Variants in ZNF804B observed in about 807,000 individuals in gnomAD.
ZNF804B encodes zinc finger protein 804B.
In ZNF804B, 80 loss-of-function variants were observed where a neutral mutation model predicts 101.4. That is an observed-to-expected ratio of 0.79 (90% confidence interval 0.66 to 0.95). ZNF804B has a LOEUF of 0.95. Among genes scored for constraint, ZNF804B ranks in the 40% least tolerant of loss-of-function variants. The pLI is 0.00. For synonymous variants in ZNF804B, 622 were observed against 558.8 expected, an observed-to-expected ratio of 1.11 and a Z score of -1.59; for missense variants, 1,673 against 1,561.9, an observed-to-expected ratio of 1.07 and a Z score of -1.20.
chr7:89,255,307 A>G (rs1457218743), intron 2 of ZNF804B, among the ~76,000 whole-genome samples: 1 of 152,300 alleles, frequency 6.6e-6, no homozygotes, highest in East Asian at 1.9e-4. Context: ...CCTGCCCTTG[A>G]CACATGGGGA....
intron 1 of ZNF804B, among the ~76,000 whole-genome samples, chr7:88,812,777 A>G (rs1337870066): frequency 6.6e-6 from 1 of 152,152 alleles, no homozygotes; most frequent in African/African-American, 2.4e-5. Context: ...AAGACATGCC[A>G]AGTGAAATAA....
chr7:88,815,526 A>C (rs1464627839), intron 1 of ZNF804B, among the ~76,000 whole-genome samples: 1 of 151,738 alleles, frequency 6.6e-6, no homozygotes, highest in Non-Finnish European at 1.5e-5. Context: ...GTATGTAACC[A>C]ATCTCACATT....
At position 88,929,283 on chromosome 7, in the gene ZNF804B, C is replaced by A. The variant is rs79553602; in HGVS notation, c.108+169199C>A. ...TGTATTGAATTGGGGTAAGAGGCAACAGAGAGTCCAGTCAAAAAATCTTAG... is the reference window on the plus strand; with the variant it reads ...TGTATTGAATTGGGGTAAGAGGCAAAAGAGAGTCCAGTCAAAAAATCTTAG... On this transcript the variant is annotated intron_variant, in intron 1 of 3. Transcript: ENST00000333190. Among the ~76,000 whole-genome samples, 422 of 151,376 alleles carry A rather than the reference C, an allele frequency of 2.8e-3. 5 individuals carry two copies. Among genetic ancestry groups the A allele is most frequent in the African/African-American group, 9.9e-3 (410 of 41,286 alleles).
At chr7:88,806,958 C>A (rs1790701316) in intron 1 of ZNF804B, among the ~76,000 whole-genome samples, 1 of 152,028 alleles carries the variant, frequency 6.6e-6, no homozygotes, top group South Asian at 2.1e-4. Context: ...AAGGAAAATT[C>A]TTCACGGTCA....
chr7:89,225,219 C>A (rs538827557), intron 2 of ZNF804B, among the ~76,000 whole-genome samples: 1 of 152,184 alleles, frequency 6.6e-6, no homozygotes, highest in Admixed American at 6.5e-5. Flanking sequence ...CCAGAGCCAG[C>A]TGTTCAATAT....
At chr7:89,331,537 AC>A (rs900256777) in intron 3 of ZNF804B, among the ~76,000 whole-genome samples, 6 of 151,730 alleles carry the variant, frequency 4.0e-5, no homozygotes, top group South Asian at 2.1e-4. Flanking sequence ...GCTTTTAAAA[AC>A]GTCTAAATTT....
At chr7:89,317,536 A>C (rs1007692599) in intron 2 of ZNF804B, among the ~76,000 whole-genome samples, 1 of 152,244 alleles carries the variant, frequency 6.6e-6, no homozygotes, top group African/African-American at 2.4e-5. Context: ...GTAAGGAGGA[A>C]TATTCTAAGA....
chr7:89,147,474 C>T (rs7780781), intron 1 of ZNF804B, among the ~76,000 whole-genome samples: 20,239 of 152,038 alleles, frequency 0.13, 1,496 homozygotes, highest in Middle Eastern at 0.24. Flanking sequence ...TGAATTAAAT[C>T]ATTGTTTTAA....
intron 1 of ZNF804B, among the ~76,000 whole-genome samples, chr7:88,877,049 A>AAATTTTTTTTTTTTT (rs1791962698): frequency 7.2e-5 from 1 of 13,912 alleles, no homozygotes; most frequent in African/African-American, 4.3e-4. Context: ...ATATATATAT[A>AAATTTTTTTTTTTTT]TTTTTTTTTT....
Position 89,337,105 on chromosome 7 carries a change from T to A in ZNF804B, c.*73T>A, listed in dbSNP as rs1357481459. 13 of 1,399,452 alleles carry A rather than the reference T, an allele frequency of 9.3e-6. No individual in the cohort carries two copies. Among genetic ancestry groups the A allele is most frequent in the Middle Eastern group, 1.8e-4 (1 of 5,422 alleles). 86.7% of individuals were successfully genotyped at this position (1,399,452 alleles called of 1,614,324 possible). A position where few individuals can be genotyped will look rare whatever the true frequency, so the allele number is the denominator to read the frequency against. ...CTATAAAATCATACATTTAAAGAAGTCTGTCAATTATAAGATTTAAAATAT... is the reference window on the plus strand; with the variant it reads ...CTATAAAATCATACATTTAAAGAAGACTGTCAATTATAAGATTTAAAATAT... On this transcript the variant is annotated 3_prime_UTR_variant, in exon 4 of 4. Transcript: ENST00000333190.
At chr7:88,937,845 C>A (rs993651431) in intron 1 of ZNF804B, among the ~76,000 whole-genome samples, 1 of 151,954 alleles carries the variant, frequency 6.6e-6, no homozygotes, top group East Asian at 1.9e-4. Context: ...AAAGAAAAAA[C>A]TTTACATCTT....
intron 1 of ZNF804B, among the ~76,000 whole-genome samples, chr7:88,914,967 G>T (rs1348119901): frequency 6.6e-6 from 1 of 152,106 alleles, no homozygotes; most frequent in Non-Finnish European, 1.5e-5. Context: ...GAGCTGTTCA[G>T]ATTTAACTGA....
In ZNF804B at chr7:89,043,341, A is replaced by T. The variant is rs1226160983; in HGVS notation, c.109-174814A>T. On this transcript the variant is annotated intron_variant, in intron 1 of 3. Coordinates refer to ENST00000333190, the MANE Select transcript of ZNF804B (RefSeq NM_181646.5). ...TGTAGCAGAAATTAATTCAATGTGA[A>T]TTTTTTACAATTAAACACAGTAGTC... is the stretch of plus-strand genomic sequence containing the variant. Among the ~76,000 whole-genome samples the T allele has an allele frequency of 5.9e-5, 9 of 152,336 alleles. No homozygotes were observed. In the South Asian group the frequency reaches 1.0e-3, roughly 18 times the overall value.
At chr7:88,955,772 CT>C (rs1366723455) in intron 1 of ZNF804B, among the ~76,000 whole-genome samples, 2 of 151,528 alleles carry the variant, frequency 1.3e-5, no homozygotes, top group African/African-American at 4.8e-5. Flanking sequence ...ACTAAAAGGC[CT>C]TCTGCACAGC....
intron 1 of ZNF804B, among the ~76,000 whole-genome samples, chr7:88,822,616 A>T (rs999626583): frequency 4.6e-5 from 7 of 152,108 alleles, no homozygotes; most frequent in Non-Finnish European, 1.0e-4. Context: ...GTAGAGAGAA[A>T]AAAAGGTAAT....
intron 1 of ZNF804B, among the ~76,000 whole-genome samples, chr7:88,982,914 A>G (rs1793711804): frequency 6.6e-6 from 1 of 152,044 alleles, no homozygotes; most frequent in Admixed American, 6.6e-5. Context: ...CCCAAGAGAG[A>G]CAGCTGAAAT....
At chr7:88,984,676 C>A (rs1208722397) in intron 1 of ZNF804B, among the ~76,000 whole-genome samples, 2 of 152,016 alleles carry the variant, frequency 1.3e-5, no homozygotes, top group Non-Finnish European at 2.9e-5. Context: ...AGTTAGCTCT[C>A]CAGAGCAAAT....
intron 1 of ZNF804B, among the ~76,000 whole-genome samples, chr7:88,795,330 A>G (rs1790462538): frequency 6.6e-6 from 1 of 151,884 alleles, no homozygotes; most frequent in Non-Finnish European, 1.5e-5. Context: ...TTTCTTTTAC[A>G]AATCTAACTG....
intron 1 of ZNF804B, chr7:88,795,135 A>G (rs190595452): frequency 6.1e-5 from 28 of 459,410 alleles, no homozygotes; most frequent in Non-Finnish European, 1.0e-4. Context: ...TCAGGAAACA[A>G]TGTATTTGAA....
Sources: allele counts gnomAD v4.1 joint callset (sites outside exome capture counted in the v4.1 genomes callset), GRCh38; gene constraint gnomAD v4.1.1; transcripts MANE v1.5; gene names NCBI Gene and HGNC (gene_info 2026-07-23, HGNC 2026-07-21).